The following FGF13 variants were observed in gnomAD, a reference collection of about 807,000 sequenced individuals.
FGF13 encodes the protein fibroblast growth factor homologous factor 2.
Under a neutral mutation model 19.5 loss-of-function variants are expected in FGF13, and 2 were observed. That is an observed-to-expected ratio of 0.10 (90% CI 0.04 to 0.32). The LOEUF is 0.32. FGF13 is among the 10% of genes least tolerant of loss of function. The pLI is 1.00. For missense variants in FGF13, 113 were observed against 192.7 expected, an observed-to-expected ratio of 0.59 and a Z score of 2.45; for synonymous variants, 72 against 76.9, an observed-to-expected ratio of 0.94 and a Z score of 0.33.
At chrX:138,788,413 G>A (rs1041012434) in intron 3 of FGF13, among the ~76,000 whole-genome samples, 1 of 112,251 alleles carries the variant, frequency 8.9e-6, no homozygotes, top group Non-Finnish European at 1.9e-5. Flanking sequence ...CACTGGGGTG[G>A]CCATCTTGCC....
At chrX:138,808,046 A>C (rs1472101030) in intron 3 of FGF13, among the ~76,000 whole-genome samples, 4 of 111,604 alleles carry the variant, frequency 3.6e-5, no homozygotes, top group Non-Finnish European at 7.5e-5. Context: ...ACAGAAAGTT[A>C]ACAAGGATAT....
intron 1 of FGF13, among the ~76,000 whole-genome samples, chrX:138,905,187 C>A (rs191150925): frequency 9.0e-6 from 1 of 111,284 alleles, no homozygotes; most frequent in Non-Finnish European, 1.9e-5. Context: ...ATGGAGTAGA[C>A]GGTCCTAGAG....
upstream of FGF13, among the ~76,000 whole-genome samples, chrX:138,741,794 T>C (rs999496761): frequency 8.9e-6 from 1 of 112,289 alleles, no homozygotes; most frequent in African/African-American, 3.2e-5. Context: ...GCACAGAGAA[T>C]GGTAGTGCTC....
chrX:139,071,574 T>C (rs1398786240), intron 1 of FGF13, among the ~76,000 whole-genome samples: 1 of 112,030 alleles, frequency 8.9e-6, no homozygotes, highest in Non-Finnish European at 1.9e-5. Flanking sequence ...TATTAAGATT[T>C]ATGTACTTTA....
chrX:138,813,385 T>C (rs1423151917), intron 3 of FGF13, among the ~76,000 whole-genome samples: 2 of 111,691 alleles, frequency 1.8e-5, no homozygotes. Flanking sequence ...GCTCTATGAT[T>C]GTCCATTCCT....
chrX:138,813,546 G>T (rs995735918), intron 3 of FGF13, among the ~76,000 whole-genome samples: 6 of 111,992 alleles, frequency 5.4e-5, no homozygotes, highest in African/African-American at 1.6e-4. Flanking sequence ...ATGTGCTACT[G>T]ATACCCATTT....
chrX:138,807,470 T>C lies in FGF13; in HGVS notation c.217+50042A>G, dbSNP rs750410802. The stretch of plus-strand genomic sequence containing the variant: ...ACTAAACATGGAAAGGAACAACTGG[T>C]ACCAGCCACTGCAAAAACATGCCAA... On this transcript the variant is annotated intron_variant, in intron 3 of 6. Transcript: ENST00000436198. Among the ~76,000 whole-genome samples, 2 of 111,865 alleles carry C rather than the reference T, an allele frequency of 1.8e-5. 1 individual carries two copies. Among genetic ancestry groups the C allele is most frequent in the South Asian group, 7.5e-4 (2 of 2,658 alleles).
chrX:139,095,889 G>A (rs150815580), intron 1 of FGF13, among the ~76,000 whole-genome samples: 47 of 111,832 alleles, frequency 4.2e-4, no homozygotes, highest in African/African-American at 1.1e-3. Context: ...ATGCCAGGGA[G>A]GGCCTCCTCT....
chrX:139,065,515 G>T (rs2092352612), intron 1 of FGF13, among the ~76,000 whole-genome samples: 1 of 107,917 alleles, frequency 9.3e-6, no homozygotes, highest in Admixed American at 9.9e-5. Context: ...AAAAGAAAGG[G>T]GGGTTGCAAT....
chrX:139,146,925 C>T (rs1336595478), intron 1 of FGF13, among the ~76,000 whole-genome samples: 1 of 105,888 alleles, frequency 9.4e-6, no homozygotes, highest in African/African-American at 3.5e-5. Flanking sequence ...ACAATAAGAA[C>T]ACTTGGACAC....
At chrX:138,659,511 G>C (rs931043046) in intron 3 of FGF13, among the ~76,000 whole-genome samples, 4 of 111,445 alleles carry the variant, frequency 3.6e-5, no homozygotes, top group Non-Finnish European at 7.5e-5. Flanking sequence ...CATTCCTCGA[G>C]GATCTAGAAC....
intron 1 of FGF13, among the ~76,000 whole-genome samples, chrX:139,084,196 G>C (rs1361100760): frequency 9.0e-6 from 1 of 110,680 alleles, no homozygotes; most frequent in Non-Finnish European, 1.9e-5. Context: ...AGGAGGAGGA[G>C]AAAGAGAAAA....
At chrX:138,880,881 C>G (rs2091420104) in intron 1 of FGF13, among the ~76,000 whole-genome samples, 1 of 111,472 alleles carries the variant, frequency 9.0e-6, no homozygotes, top group Non-Finnish European at 1.9e-5. Context: ...CTTTGTTCTT[C>G]TTTTTCATGA....
chrX:139,012,531 A>G (rs950686852), intron 1 of FGF13, among the ~76,000 whole-genome samples: 1 of 111,881 alleles, frequency 8.9e-6, no homozygotes, highest in Non-Finnish European at 1.9e-5. Flanking sequence ...AAGAGAACCC[A>G]GAAATAAACC....
chrX:138,709,024 T>A, intron 1 of FGF13, 96 bp from the exon 2 acceptor site: 1 of 475,468 alleles, frequency 2.1e-6, no homozygotes, highest in Non-Finnish European at 3.5e-6. Context: ...TTACAAATCT[T>A]AATGGAAAAA....
chrX:139,030,501 C>T (rs1465115745), intron 1 of FGF13, among the ~76,000 whole-genome samples: 1 of 111,809 alleles, frequency 8.9e-6, no homozygotes, highest in Non-Finnish European at 1.9e-5. Context: ...TTCAAAACAA[C>T]ATTTTACTAT....
In FGF13 at chrX:138,823,461, CT is replaced by C. The variant is rs768855854; in HGVS notation, c.217+34050del. 4.7e-3 allele frequency among the ~76,000 whole-genome samples: 522 copies of C among 110,537 alleles called. 3 individuals carry two copies. The highest frequency in any genetic ancestry group is 0.016 in the African/African-American group (500 of 30,361). Reference sequence around the variant, plus strand: ...ACTTCACTAAGAGTTTCTGTTTCCCCTTTTTTTTCCTTTTTACCCAATAAAA... The same window carrying C: ...ACTTCACTAAGAGTTTCTGTTTCCCCTTTTTTTCCTTTTTACCCAATAAAA... On this transcript the variant is annotated intron_variant, in intron 3 of 6. Transcript: ENST00000436198.
At chrX:138,875,334 G>C (rs1357849165) in intron 1 of FGF13, among the ~76,000 whole-genome samples, 1 of 110,989 alleles carries the variant, frequency 9.0e-6, no homozygotes, top group East Asian at 2.8e-4. Context: ...TTAAAACCTT[G>C]TAACCACACC....
At chrX:138,928,412 A>G (rs1191255340) in intron 1 of FGF13, among the ~76,000 whole-genome samples, 1 of 111,393 alleles carries the variant, frequency 9.0e-6, no homozygotes, top group African/African-American at 3.3e-5. Flanking sequence ...TGTATATTCT[A>G]TATGTGTATT....
Sources: allele counts gnomAD v4.1 joint callset (sites outside exome capture counted in the v4.1 genomes callset), GRCh38; gene constraint gnomAD v4.1.1; transcripts MANE v1.5; gene names NCBI Gene and HGNC (gene_info 2026-07-23, HGNC 2026-07-21).